The following MSI2 variants were observed in gnomAD, a reference collection of about 807,000 sequenced individuals.
MSI2 encodes the protein musashi RNA binding protein 2, also known as RNA-binding protein Musashi homolog 2.
A neutral mutation model predicts 45.6 loss-of-function variants in MSI2; 17 were observed. That is an observed-to-expected ratio of 0.37 (90% CI 0.26 to 0.56). The LOEUF (loss-of-function observed/expected upper bound fraction) is 0.56, where lower values mean the gene tolerates loss of function less well. MSI2 is among the 20% of genes least tolerant of loss of function. MSI2 has a pLI of 0.77. For missense variants in MSI2, 293 were observed against 444.2 expected, an observed-to-expected ratio of 0.66 and a Z score of 3.06; for synonymous variants, 156 against 158.2, an observed-to-expected ratio of 0.99 and a Z score of 0.11.
chr17:57,538,253 G>A (rs568122744), intron 7 of MSI2, among the ~76,000 whole-genome samples: 68 of 152,210 alleles, frequency 4.5e-4, no homozygotes, highest in Admixed American at 1.4e-3. Context: ...AGGGGTCGCC[G>A]CAAGCCCTGG....
chr17:57,488,948 G>A (rs1363084537), intron 6 of MSI2, among the ~76,000 whole-genome samples: 1 of 152,208 alleles, frequency 6.6e-6, no homozygotes, highest in African/African-American at 2.4e-5. Context: ...CTTCCCATGA[G>A]TGTCTCTCGG....
intron 6 of MSI2, among the ~76,000 whole-genome samples, chr17:57,481,609 A>G (rs566234247): frequency 1.1e-4 from 16 of 152,158 alleles, no homozygotes. Flanking sequence ...ATGCCACTCA[A>G]CTCTGCCTTG....
intron 7 of MSI2, among the ~76,000 whole-genome samples, chr17:57,559,016 G>A (rs368832723): frequency 8.6e-5 from 13 of 151,982 alleles, no homozygotes; most frequent in African/African-American, 2.9e-4. Flanking sequence ...GAGCCGAGAT[G>A]GCACCACTGC....
At chr17:57,548,888 T>G (rs966501553) in intron 7 of MSI2, among the ~76,000 whole-genome samples, 14 of 146,140 alleles carry the variant, frequency 9.6e-5, no homozygotes, top group Non-Finnish European at 1.9e-4. Flanking sequence ...TCTCACTGTT[T>G]GTTTACCCTT....
chr17:57,415,278 T>C (rs986451329), intron 6 of MSI2, among the ~76,000 whole-genome samples: 2 of 152,172 alleles, frequency 1.3e-5, no homozygotes, highest in East Asian at 3.9e-4. Flanking sequence ...TTGAGAAATC[T>C]GGCTGTGGAC....
chr17:57,679,498 C>T (rs1913468705), intron 13 of MSI2, 51 bp from the exon 14 acceptor site: 2 of 982,596 alleles, frequency 2.0e-6, no homozygotes, highest in South Asian at 9.7e-5. Context: ...CTCCCCTCTC[C>T]CCTCCATTTT....
At chr17:57,678,436 G>A (rs573230480) in intron 13 of MSI2, among the ~76,000 whole-genome samples, 195 of 152,344 alleles carry the variant, frequency 1.3e-3, no homozygotes, top group African/African-American at 3.8e-3. Flanking sequence ...GTTTCTCTGA[G>A]AACAGGGACA....
intron 7 of MSI2, among the ~76,000 whole-genome samples, chr17:57,578,220 C>T (rs1296700898): frequency 1.3e-5 from 2 of 152,210 alleles, no homozygotes; most frequent in African/African-American, 4.8e-5. Context: ...AGCCCAAGCT[C>T]TTTCCCACCA....
Position 57,442,830 on chromosome 17 carries a change from A to G in MSI2, c.405+41359A>G, listed in dbSNP as rs2143478762. Among the ~76,000 whole-genome samples the G allele has an allele frequency of 2.0e-5, 3 of 152,336 alleles. No individual in the cohort carries two copies. In the South Asian group the frequency reaches 6.2e-4, roughly 32 times the overall value. On this transcript the variant is annotated intron_variant, in intron 6 of 13. Transcript: ENST00000284073. Reference sequence around the variant, plus strand: ...GGGGCCTGGGATACCTCTGGCAGACAGTGCTGGAAATTTAATGCTCCTTGA... The same window carrying G: ...GGGGCCTGGGATACCTCTGGCAGACGGTGCTGGAAATTTAATGCTCCTTGA...
At chr17:57,409,810 C>T (rs538215761) in intron 6 of MSI2, among the ~76,000 whole-genome samples, 46 of 152,082 alleles carry the variant, frequency 3.0e-4, no homozygotes, top group African/African-American at 1.1e-3. Flanking sequence ...AGTTCGAGAC[C>T]AGCCTGGCCA....
At chr17:57,699,174 A>T in the MSI2 span, among the ~76,000 whole-genome samples, 4 of 32,928 alleles carry the variant, frequency 1.2e-4, 2 homozygotes, top group African/African-American at 5.0e-4. Context: ...AGAGAGAGAG[A>T]GAGAGAGAGT....
At chr17:57,411,380 G>A (rs992318338) in intron 6 of MSI2, among the ~76,000 whole-genome samples, 3 of 152,192 alleles carry the variant, frequency 2.0e-5, no homozygotes, top group African/African-American at 7.2e-5. Flanking sequence ...AAGGGAGGAC[G>A]TATTGATGTC....
intron 9 of MSI2, among the ~76,000 whole-genome samples, chr17:57,622,518 G>A (rs957980955): frequency 6.6e-5 from 10 of 152,146 alleles, no homozygotes; most frequent in Non-Finnish European, 1.2e-4. Flanking sequence ...ACCCTAGCAG[G>A]CCCAGAAACG....
rs386386327 is a variant in MSI2 at position 57,295,992 on chromosome 17, C to CTTTTTTTT, written c.312+33827_312+33834dup. On this transcript the variant is annotated intron_variant, in intron 5 of 13. Transcript: ENST00000284073. ...TGAGTTACCAGTTCACGCAGCCTTCCTTTTTTTTTTTTTTTTTTTTTTTTT... is the reference window on the plus strand; with the variant it reads ...TGAGTTACCAGTTCACGCAGCCTTCCTTTTTTTTTTTTTTTTTTTTTTTTTTTTTTTTT... Among the ~76,000 whole-genome samples, 17 of 38,654 alleles carry CTTTTTTTT rather than the reference C, an allele frequency of 4.4e-4. 3 individuals carry two copies. Among genetic ancestry groups the CTTTTTTTT allele is most frequent in the Middle Eastern group, 0.053 (2 of 38 alleles). 25.4% of individuals were successfully genotyped at this position (38,654 alleles called of 152,430 possible).
intron 6 of MSI2, among the ~76,000 whole-genome samples, chr17:57,489,448 A>G (rs960858313): frequency 1.3e-5 from 2 of 152,220 alleles, no homozygotes; most frequent in Non-Finnish European, 2.9e-5. Flanking sequence ...GTCTGCAGGC[A>G]AGGAAGAAGC....
intron 10 of MSI2, among the ~76,000 whole-genome samples, chr17:57,649,983 A>G (rs1438353691): frequency 6.6e-6 from 1 of 152,082 alleles, no homozygotes; most frequent in African/African-American, 2.4e-5. Context: ...CCCTCTTCTC[A>G]CACCCTCCCT....
chr17:57,322,729 T>C (rs776132665), intron 5 of MSI2, among the ~76,000 whole-genome samples: 4 of 152,196 alleles, frequency 2.6e-5, no homozygotes, highest in Admixed American at 6.5e-5. Flanking sequence ...TTCTCTCTTC[T>C]CCTGAAAGGC....
intron 9 of MSI2, among the ~76,000 whole-genome samples, chr17:57,617,495 G>A (rs2144566736): frequency 6.6e-6 from 1 of 152,348 alleles, no homozygotes; most frequent in East Asian, 1.9e-4. Context: ...ATATTTAAGA[G>A]TGTGATTTTA....
intron 7 of MSI2, among the ~76,000 whole-genome samples, chr17:57,593,383 G>A (rs969949859): frequency 6.6e-6 from 1 of 152,154 alleles, no homozygotes; most frequent in African/African-American, 2.4e-5. Context: ...AAGAGGTTCT[G>A]GGGGACAGTC....
Sources: allele counts gnomAD v4.1 joint callset (sites outside exome capture counted in the v4.1 genomes callset), GRCh38; gene constraint gnomAD v4.1.1; transcripts MANE v1.5; gene names NCBI Gene and HGNC (gene_info 2026-07-23, HGNC 2026-07-21).